PSME4: variants seen among roughly 807,000 people sequenced by gnomAD.
PSME4 encodes proteasome activator complex subunit 4.
Under a neutral mutation model 253.9 loss-of-function variants are expected in PSME4, and 89 were observed. That is an observed-to-expected ratio of 0.35 (90% confidence interval 0.30 to 0.42). PSME4 has a LOEUF of 0.42. PSME4 is among the 10% of genes least tolerant of loss of function. The pLI is 1.00. For synonymous variants in PSME4, 851 were observed against 759.2 expected, an observed-to-expected ratio of 1.12 and a Z score of -1.99; for missense variants, 2,014 against 2,195.2, an observed-to-expected ratio of 0.92 and a Z score of 1.65.
intron 1 of PSME4, among the ~76,000 whole-genome samples, chr2:53,969,461 A>T (rs1670923465): frequency 6.6e-6 from 1 of 152,118 alleles, no homozygotes; most frequent in South Asian, 2.1e-4. Context: ...CTGAGTCATC[A>T]CTCAGTTCAA....
chr2:53,877,832 G>T (rs1376359542), intron 41 of PSME4, among the ~76,000 whole-genome samples: 1 of 152,118 alleles, frequency 6.6e-6, no homozygotes. Flanking sequence ...TTTGTTATGG[G>T]TATGCAAAGA....
intron 10 of PSME4, among the ~76,000 whole-genome samples, chr2:53,929,854 C>A (rs1668741075): frequency 6.6e-6 from 1 of 151,734 alleles, no homozygotes; most frequent in Admixed American, 6.6e-5. Flanking sequence ...GCCATCTCTA[C>A]TAAAAATACA....
Position 53,887,992 on chromosome 2 carries a change from A to G in PSME4, c.4389-3T>C, listed in dbSNP as rs1354255982. 1.2e-6 allele frequency: 2 copies of G among 1,609,028 alleles called. No homozygotes were observed. The highest frequency in any genetic ancestry group is 1.7e-5 in the Admixed American group (1 of 58,858). On this transcript the variant is annotated splice_region_variant and splice_polypyrimidine_tract_variant and intron_variant, in intron 38 of 46. Transcript: ENST00000404125. ...CACCTTGTAGTACATAAAGTCGACT[A>G]AAATTAAAGCATCGTAGTGTTATAT...
intron 17 of PSME4, 46 bp from the exon 18 acceptor site, chr2:53,921,150 C>G (rs1278449727): frequency 2.5e-6 from 4 of 1,607,572 alleles, no homozygotes; most frequent in Non-Finnish European, 3.4e-6. Context: ...GTTAAAAGAA[C>G]AAGAACCAAT....
intron 33 of PSME4, among the ~76,000 whole-genome samples, 172 bp downstream of exon 33, chr2:53,895,411 G>GAA (rs1244781584): frequency 1.3e-5 from 2 of 152,168 alleles, no homozygotes; most frequent in African/African-American, 4.8e-5. Flanking sequence ...TTTGCACAAG[G>GAA]AAAGAGGCAG....
intron 8 of PSME4, 91 bp from the exon 9 acceptor site, chr2:53,932,851 T>C (rs1250994533): frequency 5.4e-6 from 5 of 922,996 alleles, no homozygotes; most frequent in East Asian, 2.4e-5. Context: ...AAATCACTAA[T>C]ACAGTTTATA....
Position 53,921,084 on chromosome 2 carries a change from C to A in PSME4, c.2067G>T (p.Arg689Ser), listed in dbSNP as rs754985872. Residue 689 changes from arginine (R) to serine (S), a missense_variant, in exon 18 of 47, where the codon AGG (arginine) becomes AGT (serine). This residue lies in a region of PSME4 where 989 missense variants were observed against 1,021.1 expected (regional missense o/e 0.97). Coordinates refer to ENST00000404125, the MANE Select transcript of PSME4 (RefSeq NM_014614.3). ...LLSEITRVDG[R>S]KLLLYREQLV... is the part of the protein sequence containing the mutation. ...GCTGCTCCCTATAAAGAAGCAACTT[C>A]CTTCCATCCACTCGAGTAATCTAAA... 1 of 1,613,680 alleles carries A rather than the reference C, an allele frequency of 6.2e-7. No individual in the cohort carries two copies. The highest frequency in any genetic ancestry group is 2.2e-5 in the East Asian group (1 of 44,850).
At chr2:53,885,002 A>G (rs1439624250) in intron 41 of PSME4, among the ~76,000 whole-genome samples, 1 of 152,206 alleles carries the variant, frequency 6.6e-6, no homozygotes, top group African/African-American at 2.4e-5. Flanking sequence ...GATAATAATA[A>G]CTGTACTGAT....
At chr2:53,876,068 T>A (rs1365527955) in intron 41 of PSME4, among the ~76,000 whole-genome samples, 1 of 152,164 alleles carries the variant, frequency 6.6e-6, no homozygotes, top group African/African-American at 2.4e-5. Flanking sequence ...TAAAAAAGAA[T>A]CATGTAATGG....
At chr2:53,878,414 A>C (rs545459330) in intron 41 of PSME4, among the ~76,000 whole-genome samples, 1 of 152,334 alleles carries the variant, frequency 6.6e-6, no homozygotes, top group African/African-American at 2.4e-5. Flanking sequence ...AAACAATATG[A>C]AATCTGGGCA....
At chr2:53,888,062 A>G (rs1679723772) in intron 38 of PSME4, 73 bp from the exon 39 acceptor site, 9 of 1,422,116 alleles carry the variant, frequency 6.3e-6, no homozygotes, top group Non-Finnish European at 8.4e-6. Context: ...TGGACAGACA[A>G]TATCTGTATT....
intron 36 of PSME4, among the ~76,000 whole-genome samples, chr2:53,890,736 A>T (rs1218781684): frequency 3.3e-5 from 5 of 152,228 alleles, no homozygotes; most frequent in African/African-American, 1.2e-4. Flanking sequence ...CGCTTTAAAA[A>T]GTATCTCTTG....
At chr2:53,967,649 CAAAA>C (rs71408747) in intron 1 of PSME4, among the ~76,000 whole-genome samples, 336 of 21,504 alleles carry the variant, frequency 0.016, 1 homozygote, top group African/African-American at 0.052. Flanking sequence ...GAGATTGTCT[CAAAA>C]AAAAAAAAAA....
At chr2:53,958,833 A>T (rs1247256463) in intron 1 of PSME4, among the ~76,000 whole-genome samples, 1 of 151,756 alleles carries the variant, frequency 6.6e-6, no homozygotes, top group Non-Finnish European at 1.5e-5. Flanking sequence ...AAAAAAAAAA[A>T]GTCAGGAGCC....
chr2:53,920,963 G>A lies in PSME4; in HGVS notation c.2188C>T (p.Leu730Phe). The A allele has an allele frequency of 2.5e-6, 4 of 1,614,114 alleles. No individual in the cohort carries two copies. The highest frequency in any genetic ancestry group is 2.2e-5 in the East Asian group (1 of 44,862). The change falls in exon 18 of 47, where the codon CTT (leucine) becomes TTT (phenylalanine). Residue 730 changes from leucine (L) to phenylalanine (F), a missense_variant. By Grantham distance (22) the Leu-to-Phe change is conservative (BLOSUM62 0). Around this residue, in one of 4 missense-constraint regions of PSME4, gnomAD observed 989 missense variants for 1,021.1 expected, o/e 0.97. Coordinates refer to ENST00000404125, the MANE Select transcript of PSME4 (RefSeq NM_014614.3). ...LLHHLLRSTT[L>F]IYPTEYCSVP... is the part of the protein sequence containing the mutation. Reference sequence around the variant, plus strand: ...CTGCAGTATTCTGTAGGGTAGATAAGTGTGGTAGAACGGAGAAGATGATGC... The same window carrying A: ...CTGCAGTATTCTGTAGGGTAGATAAATGTGGTAGAACGGAGAAGATGATGC...
At chr2:53,952,379 T>A (rs1423954845) in intron 1 of PSME4, among the ~76,000 whole-genome samples, 1 of 152,038 alleles carries the variant, frequency 6.6e-6, no homozygotes, top group African/African-American at 2.4e-5. Flanking sequence ...CTGTCTCTAC[T>A]AAAAATACAA....
At chr2:53,966,358 T>C (rs1386181588) in intron 1 of PSME4, among the ~76,000 whole-genome samples, 1 of 152,088 alleles carries the variant, frequency 6.6e-6, no homozygotes, top group African/African-American at 2.4e-5. Context: ...TAATCTAAAA[T>C]CTTGCCAGGA....
intron 26 of PSME4, 151 bp from the exon 27 acceptor site, chr2:53,904,307 T>G: frequency 1.3e-6 from 1 of 793,056 alleles, no homozygotes; most frequent in East Asian, 2.7e-5. Flanking sequence ...AAGAAGTAAA[T>G]GATTATCTTT....
At chr2:53,899,352 C>T (rs1348759755) in intron 29 of PSME4, among the ~76,000 whole-genome samples, 2 of 152,050 alleles carry the variant, frequency 1.3e-5, no homozygotes, top group Non-Finnish European at 2.9e-5. Context: ...AGGCATAAGC[C>T]ACCGTGCTCG....
Sources: gnomAD v4.1 joint callset for allele counts (sites outside exome capture counted in the v4.1 genomes callset) on GRCh38, gnomAD v4.1.1 for gene constraint, gnomAD v4.1.1 regional missense constraint, MANE v1.5 for transcripts, NCBI Gene and HGNC (gene_info 2026-07-23, HGNC 2026-07-21) for gene names.